Variants in KLHL2 observed in about 807,000 individuals in gnomAD.
KLHL2 encodes the protein kelch like family member 2, also known as kelch-like protein 2.
A neutral mutation model predicts 75.8 loss-of-function variants in KLHL2; 15 were observed. The ratio of observed to expected loss-of-function variants is 0.20; its 90% CI spans 0.13 to 0.30. The LOEUF (loss-of-function observed/expected upper bound fraction) is 0.30, where lower values mean the gene tolerates loss of function less well. Ranked by LOEUF, KLHL2 falls within the 10% of genes least tolerant of loss-of-function variation. KLHL2 has a pLI of 1.00. For synonymous variants in KLHL2, 214 were observed against 251.9 expected (o/e 0.85, Z 1.42); for missense variants, 381 against 741.0 (o/e 0.51, Z 5.64).
intron 5 of KLHL2, among the ~76,000 whole-genome samples, chr4:165,268,022 T>C (rs1471374836): frequency 6.6e-6 from 1 of 152,210 alleles, no homozygotes; most frequent in Non-Finnish European, 1.5e-5. Context: ...ATTCAGCTTC[T>C]TCCTGGTTTA....
chr4:165,251,606 T>A lies in KLHL2; in HGVS notation c.382-11591T>A, dbSNP rs138049286. Among the ~76,000 whole-genome samples, 950 of 139,518 alleles carry A rather than the reference T, an allele frequency of 6.8e-3. 14 individuals carry two copies. The highest frequency in any genetic ancestry group is 0.023 in the African/African-American group (896 of 39,002). 91.5% of individuals were successfully genotyped at this position (139,518 alleles called of 152,430 possible). On this transcript the variant is annotated intron_variant, in intron 4 of 14. Transcript: ENST00000226725. ...ATGGATACGAAACCCAAAGTGGTTT[T>A]TTTTTTTTGTTTTTTTTTTTTGAGA... is the stretch of plus-strand genomic sequence containing the variant.
chr4:165,317,874 G>T lies in KLHL2; in HGVS notation c.1658G>T (p.Gly553Val). ...TTATATGTTGTTGGAGGGGATGATG[G>T]TTCCTGTAACTTGGCGTCAGTAGAA... is the stretch of plus-strand genomic sequence containing the variant. ...GLLYVVGGDDGSCNLASVEYY... is the reference protein window; with the variant it reads ...GLLYVVGGDDVSCNLASVEYY... Residue 553 changes from glycine (G) to valine (V), a missense_variant, in exon 14 of 15, where the codon GGT becomes GTT. Physicochemically the swap from Gly to Val is moderately radical, Grantham distance 109. Coordinates refer to ENST00000226725, the MANE Select transcript of KLHL2 (RefSeq NM_007246.4). 1 of 1,613,786 alleles carries T rather than the reference G, an allele frequency of 6.2e-7. No homozygotes were observed. Among genetic ancestry groups the T allele is most frequent in the Non-Finnish European group, 8.5e-7 (1 of 1,179,742 alleles).
At chr4:165,217,690 A>G (rs987610325) in intron 1 of KLHL2, among the ~76,000 whole-genome samples, 1 of 152,136 alleles carries the variant, frequency 6.6e-6, no homozygotes, top group Admixed American at 6.5e-5. Context: ...GGTTTGCTTA[A>G]TTTTAGAGGT....
chr4:165,264,725 T>TATATATATATAC (rs1742059978), intron 5 of KLHL2, among the ~76,000 whole-genome samples: 1 of 74,048 alleles, frequency 1.4e-5, no homozygotes, highest in Non-Finnish European at 2.6e-5. Context: ...TATATACATA[T>TATATATATATAC]ATATATATAT....
intron 2 of KLHL2, among the ~76,000 whole-genome samples, chr4:165,226,009 T>C (rs180922950): frequency 3.3e-5 from 5 of 152,324 alleles, no homozygotes; most frequent in Non-Finnish European, 5.9e-5. Flanking sequence ...CAATGAATAA[T>C]TGTAATTGAA....
intron 9 of KLHL2, among the ~76,000 whole-genome samples, chr4:165,310,105 A>C (rs1746034722): frequency 6.6e-6 from 1 of 152,320 alleles, no homozygotes; most frequent in African/African-American, 2.4e-5. Flanking sequence ...TGGGAGGCCA[A>C]GGCGGGCAGA....
At chr4:165,265,828 A>G (rs903189145) in intron 5 of KLHL2, among the ~76,000 whole-genome samples, 2 of 152,220 alleles carry the variant, frequency 1.3e-5, no homozygotes, top group African/African-American at 4.8e-5. Context: ...TGCTTTGGGT[A>G]TATACCCAGT....
At chr4:165,285,816 A>G (rs989833880) in intron 5 of KLHL2, among the ~76,000 whole-genome samples, 2 of 152,110 alleles carry the variant, frequency 1.3e-5, no homozygotes, top group African/African-American at 4.8e-5. Context: ...AATGACTGTG[A>G]CTAAGACTTC....
At chr4:165,306,536 A>G (rs1168982829) in intron 9 of KLHL2, among the ~76,000 whole-genome samples, 1 of 152,242 alleles carries the variant, frequency 6.6e-6, no homozygotes, top group Non-Finnish European at 1.5e-5. Flanking sequence ...AGGATGTCTT[A>G]AAAGGATATG....
At chr4:165,209,854 C>T in intron 1 of KLHL2, 1 of 463,386 alleles carries the variant, frequency 2.2e-6, no homozygotes, top group East Asian at 3.6e-5. Context: ...TTCAAGAACT[C>T]GTTATGGTGT....
At chr4:165,256,426 G>C (rs1191207949) in intron 4 of KLHL2, among the ~76,000 whole-genome samples, 1 of 152,170 alleles carries the variant, frequency 6.6e-6, no homozygotes. Context: ...AACTGTTGCT[G>C]TTCACCGAAC....
At chr4:165,238,606 A>T (rs1739553324) in intron 3 of KLHL2, among the ~76,000 whole-genome samples, 172 bp from the exon 4 acceptor site, 1 of 152,180 alleles carries the variant, frequency 6.6e-6, no homozygotes. Flanking sequence ...TGATTTGCTC[A>T]GGTGAGCTTT....
At chr4:165,212,327 G>T (rs1211495428) in intron 1 of KLHL2, among the ~76,000 whole-genome samples, 2 of 152,264 alleles carry the variant, frequency 1.3e-5, no homozygotes, top group South Asian at 4.1e-4. Flanking sequence ...TGTCTTTGAC[G>T]AGGTGATATT....
intron 5 of KLHL2, among the ~76,000 whole-genome samples, chr4:165,277,583 G>T (rs114923764): frequency 0.021 from 3,155 of 152,320 alleles, 42 homozygotes; most frequent in Admixed American, 0.049. Context: ...GTCATGCAAA[G>T]ACTCAAGTCC....
intron 5 of KLHL2, among the ~76,000 whole-genome samples, chr4:165,293,847 T>C (rs1338373491): frequency 1.3e-5 from 2 of 152,072 alleles, no homozygotes; most frequent in East Asian, 3.9e-4. Context: ...ATGTTGGTCA[T>C]ATATTCAGAT....
intron 4 of KLHL2, among the ~76,000 whole-genome samples, chr4:165,254,381 G>T (rs961708647): frequency 6.6e-6 from 1 of 151,616 alleles, no homozygotes; most frequent in African/African-American, 2.4e-5. Flanking sequence ...GTTGGTTCTG[G>T]TTTTTTTTCT....
At position 165,259,008 on chromosome 4, in the gene KLHL2, A is replaced by G. The variant is rs1172098183; in HGVS notation, c.382-4189A>G. On this transcript the variant is annotated intron_variant, in intron 4 of 14. Transcript: ENST00000226725. ...CTACAGTGAGTCAATTTTTGCTTAA[A>G]TAAGTTTACTTGAGAAGGAATGTTT... Among the ~76,000 whole-genome samples the G allele has an allele frequency of 2.6e-5, 4 of 152,244 alleles. No homozygotes were observed. In the East Asian group the frequency reaches 7.7e-4, roughly 29 times the overall value.
chr4:165,299,986 G>C (rs987816704), intron 8 of KLHL2, among the ~76,000 whole-genome samples: 1 of 152,090 alleles, frequency 6.6e-6, no homozygotes, highest in Non-Finnish European at 1.5e-5. Context: ...ATCAGACCAG[G>C]TAGAAGGATT....
intron 3 of KLHL2, among the ~76,000 whole-genome samples, chr4:165,235,550 T>G (rs1452182708): frequency 1.3e-5 from 2 of 152,222 alleles, no homozygotes; most frequent in Non-Finnish European, 2.9e-5. Flanking sequence ...ATTCATCTAG[T>G]CATTTACTTA....
Sources: gnomAD v4.1 joint callset for allele counts (sites outside exome capture counted in the v4.1 genomes callset) on GRCh38, gnomAD v4.1.1 for gene constraint, MANE v1.5 for transcripts, NCBI Gene and HGNC (gene_info 2026-07-23, HGNC 2026-07-21) for gene names.